Variants in FOXO1 observed in about 807,000 individuals in gnomAD.
FOXO1 encodes forkhead box O1.
In FOXO1, 6 loss-of-function variants were observed where a neutral mutation model predicts 44.1. That is an observed-to-expected ratio of 0.14 (90% CI 0.07 to 0.27). The LOEUF is 0.27. Among genes scored for constraint, FOXO1 ranks in the 10% least tolerant of loss-of-function variants. FOXO1 has a pLI of 1.00. For missense variants in FOXO1, 737 were observed against 888.8 expected, an observed-to-expected ratio of 0.83 and a Z score of 2.17; for synonymous variants, 380 against 362.7, an observed-to-expected ratio of 1.05 and a Z score of -0.54.
At chr13:40,640,152 C>T (rs1259900196) in intron 1 of FOXO1, among the ~76,000 whole-genome samples, 1 of 152,196 alleles carries the variant, frequency 6.6e-6, no homozygotes, top group African/African-American at 2.4e-5. Context: ...AGCACAAATC[C>T]TGTCCATCTA....
At chr13:40,644,492 A>C (rs1261283285) in intron 1 of FOXO1, among the ~76,000 whole-genome samples, 4 of 152,192 alleles carry the variant, frequency 2.6e-5, no homozygotes, top group African/African-American at 9.7e-5. Context: ...GTAAAAGCCA[A>C]ATCTAACCAG....
At chr13:40,642,461 T>G (rs1420687220) in intron 1 of FOXO1, among the ~76,000 whole-genome samples, 2 of 152,202 alleles carry the variant, frequency 1.3e-5, no homozygotes, top group East Asian at 1.9e-4. Context: ...AAATTTCAGT[T>G]TCAGTGGAAA....
rs372632529 is a variant in FOXO1 at position 40,666,277 on chromosome 13, G to A, written c.-65C>T. On this transcript the variant is annotated 5_prime_UTR_variant, in exon 1 of 3. Coordinates refer to ENST00000379561, the MANE Select transcript of FOXO1 (RefSeq NM_002015.4). ...AGGGGGAGAACGCAGCACTGGGGGC[G>A]GACGGGGAGGGGGCGCGAAGGGACG... is the stretch of plus-strand genomic sequence containing the variant. 8.5e-4 allele frequency: 1,081 copies of A among 1,277,048 alleles called. 13 individuals are homozygous for A. The South Asian group carries it at 0.02, about 24-fold the overall frequency. 79.1% of individuals were successfully genotyped at this position (1,277,048 alleles called of 1,614,324 possible). A position where few individuals can be genotyped will look rare whatever the true frequency, so the allele number is the denominator to read the frequency against.
At chr13:40,581,178 C>T (rs1400982470) in intron 1 of FOXO1, among the ~76,000 whole-genome samples, 2 of 152,138 alleles carry the variant, frequency 1.3e-5, no homozygotes, top group African/African-American at 2.4e-5. Context: ...TTTTGTGATC[C>T]CTTAACCCCC....
intron 1 of FOXO1, among the ~76,000 whole-genome samples, chr13:40,646,292 CTT>C (rs199747779): frequency 2.9e-3 from 379 of 129,804 alleles, no homozygotes; most frequent in Non-Finnish European, 3.8e-3. Context: ...CTTCTGTGAC[CTT>C]TTTTTTTTTT....
rs55733141 is a variant in FOXO1, at chr13:40,584,469, C to CAAAA, written c.631-23613_631-23610dup. On this transcript the variant is annotated intron_variant, in intron 1 of 2. Coordinates refer to ENST00000379561, the MANE Select transcript of FOXO1 (RefSeq NM_002015.4). ...AGAAATTCTATCTCCACAAAAAATGCAAAAAAAAAAAAAAAAAAAAAAAAA... is the reference window on the plus strand; with the variant it reads ...AGAAATTCTATCTCCACAAAAAATGCAAAAAAAAAAAAAAAAAAAAAAAAAAAAA... Among the ~76,000 whole-genome samples, 202 of 63,098 alleles carry CAAAA rather than the reference C, an allele frequency of 3.2e-3. 19 individuals are homozygous for CAAAA. Among genetic ancestry groups the CAAAA allele is most frequent in the Non-Finnish European group, 4.1e-3 (157 of 37,874 alleles). The allele number at this position is 63,098 out of a possible 152,430, so 41.4% of individuals were successfully genotyped here.
intron 1 of FOXO1, chr13:40,621,160 G>A (rs1290208548): frequency 2.0e-6 from 1 of 508,892 alleles, no homozygotes; most frequent in East Asian, 6.3e-5. Flanking sequence ...GAGCATAACA[G>A]TATTGATAGT....
chr13:40,590,901 G>A (rs544115451), intron 1 of FOXO1, among the ~76,000 whole-genome samples: 1 of 152,188 alleles, frequency 6.6e-6, no homozygotes, highest in African/African-American at 2.4e-5. Context: ...TTACGAGCTG[G>A]CCATCAAAAT....
chr13:40,664,010 C>T (rs975093287), intron 1 of FOXO1, among the ~76,000 whole-genome samples: 1 of 152,238 alleles, frequency 6.6e-6, no homozygotes, highest in Non-Finnish European at 1.5e-5. Context: ...AACGGTGGCT[C>T]ACGCCTGTAA....
rs1448272875 is a variant in FOXO1, at chr13:40,666,090, G to T, written c.123C>A (p.Ser41Arg). 6 of 1,384,724 alleles carry T rather than the reference G, an allele frequency of 4.3e-6. No homozygotes were observed. The highest frequency in any genetic ancestry group is 5.6e-6 in the Non-Finnish European group (6 of 1,068,874). 85.8% of individuals were successfully genotyped at this position (1,384,724 alleles called of 1,614,324 possible). The change falls in exon 1 of 3, where the codon AGC (serine) becomes AGA (arginine). Residue 41 changes from serine (S) to arginine (R), a missense_variant. Around this residue, in one of 7 missense-constraint regions of FOXO1, gnomAD observed 213 missense variants for 236.4 expected, o/e 0.90. Transcript: ENST00000379561. ...EFSQSNSATS[S>R]PAPSGSAAAN... Reference sequence around the variant, plus strand: ...CAGCCGCGCTGCCCGACGGCGCCGGGCTGGAGGTGGCCGAGTTGGACTGGC... The same window carrying T: ...CAGCCGCGCTGCCCGACGGCGCCGGTCTGGAGGTGGCCGAGTTGGACTGGC...
chr13:40,586,860 T>C (rs999532828), intron 1 of FOXO1, among the ~76,000 whole-genome samples: 10 of 152,122 alleles, frequency 6.6e-5, no homozygotes, highest in Admixed American at 2.0e-4. Flanking sequence ...AAAATGAATT[T>C]AGATTATGTT....
chr13:40,632,221 G>T (rs1301018083), intron 1 of FOXO1, among the ~76,000 whole-genome samples: 1 of 152,110 alleles, frequency 6.6e-6, no homozygotes, highest in African/African-American at 2.4e-5. Context: ...CAGTGAGCCA[G>T]TATCACGCCA....
chr13:40,639,466 G>C (rs1366569873), intron 1 of FOXO1, among the ~76,000 whole-genome samples: 1 of 152,188 alleles, frequency 6.6e-6, no homozygotes, highest in African/African-American at 2.4e-5. Context: ...AATTCTCTCA[G>C]TTTTTTATTC....
intron 1 of FOXO1, among the ~76,000 whole-genome samples, chr13:40,609,916 C>T (rs1488526138): frequency 6.6e-6 from 1 of 152,128 alleles, no homozygotes; most frequent in African/African-American, 2.4e-5. Flanking sequence ...CGGATGCCTT[C>T]ACATTACAGT....
rs1407657040 is a variant in FOXO1 at position 40,666,257 on chromosome 13, G to C, written c.-45C>G. On this transcript the variant is annotated 5_prime_UTR_variant, in exon 1 of 3. Transcript: ENST00000379561. ...CCAGCCGCAGGAGAGCCAAGAGGGG[G>C]AGAACGCAGCACTGGGGGCGGACGG... is the stretch of plus-strand genomic sequence containing the variant. 7 of 1,349,652 alleles carry C rather than the reference G, an allele frequency of 5.2e-6. No homozygotes were observed. In the Admixed American group the frequency reaches 2.5e-4, roughly 48 times the overall value. 83.6% of individuals were successfully genotyped at this position (1,349,652 alleles called of 1,614,324 possible). A position where few individuals can be genotyped will look rare whatever the true frequency, so the allele number is the denominator to read the frequency against.
chr13:40,622,872 T>C (rs1390345791), intron 1 of FOXO1, among the ~76,000 whole-genome samples: 1 of 152,088 alleles, frequency 6.6e-6, no homozygotes, highest in Admixed American at 6.6e-5. Flanking sequence ...AGAAGAAGAG[T>C]GTCCTGCTCT....
intron 1 of FOXO1, among the ~76,000 whole-genome samples, chr13:40,622,232 T>TA (rs1050998224): frequency 2.2e-4 from 34 of 152,266 alleles, no homozygotes; most frequent in African/African-American, 6.7e-4. Context: ...TGTTAAAATC[T>TA]AAAAAAAGTC....
Position 40,597,497 on chromosome 13 carries a change from C to G in FOXO1, c.631-36637G>C, listed in dbSNP as rs143115151. Among the ~76,000 whole-genome samples the G allele has an allele frequency of 4.1e-3, 621 of 152,308 alleles. 3 individuals carry two copies. The highest frequency in any genetic ancestry group is 0.014 in the African/African-American group (591 of 41,568). ...TCCGAGCTGCATCCCTAACTGTGAT[C>G]AGGACCTGTAAAGGACAGCCCACCA... On this transcript the variant is annotated intron_variant, in intron 1 of 2. Coordinates refer to ENST00000379561, the MANE Select transcript of FOXO1 (RefSeq NM_002015.4).
intron 1 of FOXO1, among the ~76,000 whole-genome samples, chr13:40,563,473 C>T (rs1237547145): frequency 1.3e-5 from 2 of 152,176 alleles, no homozygotes; most frequent in Non-Finnish European, 2.9e-5. Context: ...GTGACAAGCC[C>T]TCCTGCCAGA....
Sources: allele counts gnomAD v4.1 joint callset (sites outside exome capture counted in the v4.1 genomes callset), GRCh38; gene constraint gnomAD v4.1.1; regional missense constraint gnomAD v4.1.1; transcripts MANE v1.5; gene names NCBI Gene and HGNC (gene_info 2026-07-23, HGNC 2026-07-21).